The following RPL26L1 variants were observed in gnomAD, a reference collection of about 807,000 sequenced individuals.
RPL26L1 encodes the protein ribosomal protein L26 like 1, also known as ribosomal protein uL24-like.
Under a neutral mutation model 15.2 loss-of-function variants are expected in RPL26L1, and 8 were observed. That is an observed-to-expected ratio of 0.53 (90% CI 0.31 to 0.95). The LOEUF is 0.95. RPL26L1 is among the 40% of genes least tolerant of loss of function. RPL26L1 has a pLI of 0.05. For missense variants in RPL26L1, 146 were observed against 190.9 expected, an observed-to-expected ratio of 0.76 and a Z score of 1.39; for synonymous variants, 51 against 65.9, an observed-to-expected ratio of 0.77 and a Z score of 1.09.
chr5:172,958,616 A>G (rs1318923587), upstream of RPL26L1: 2 of 327,430 alleles, frequency 6.1e-6, no homozygotes, highest in East Asian at 7.6e-5. Flanking sequence ...TCTCCCTCAC[A>G]GCTCCGTCGG....
chr5:172,954,787 G>A (rs963049056), upstream of RPL26L1: 1 of 385,114 alleles, frequency 2.6e-6, no homozygotes, highest in Non-Finnish European at 5.2e-6. Context: ...CAACATTTAA[G>A]GGATGGATGC....
At chr5:172,964,475 G>A (rs1165565494) in intron 2 of RPL26L1, among the ~76,000 whole-genome samples, 2 of 150,912 alleles carry the variant, frequency 1.3e-5, no homozygotes, top group Non-Finnish European at 3.0e-5. Flanking sequence ...TAATAGAGAC[G>A]GGGTTTTACC....
upstream of RPL26L1, chr5:172,958,371 C>T: frequency 2.2e-6 from 1 of 456,196 alleles, no homozygotes. Flanking sequence ...ACGGGACCTG[C>T]CTGGGTGTGG....
At chr5:172,954,221 G>T (rs917851243), upstream of RPL26L1, among the ~76,000 whole-genome samples, 12 of 152,124 alleles carry the variant, frequency 7.9e-5, no homozygotes, top group African/African-American at 2.4e-4. Context: ...AAGGTGAGTT[G>T]TTACCCCTCC....
intron 1 of RPL26L1, 88 bp from the exon 2 acceptor site, chr5:172,959,777 T>C: frequency 7.0e-7 from 1 of 1,428,444 alleles, no homozygotes; most frequent in South Asian, 1.2e-5. Flanking sequence ...AGAGCCTTTG[T>C]TGGGGGATGA....
intron 2 of RPL26L1, among the ~76,000 whole-genome samples, chr5:172,964,173 C>G (rs1234017629): frequency 1.3e-5 from 2 of 151,234 alleles, no homozygotes; most frequent in Non-Finnish European, 2.9e-5. Flanking sequence ...ATAGGTATTG[C>G]TTTGCTGCCC....
At chr5:172,956,970 T>C (rs1303683425), upstream of RPL26L1, 1 of 250,894 alleles carries the variant, frequency 4.0e-6, no homozygotes, top group South Asian at 3.7e-5. Context: ...ACCAAACCAA[T>C]GAGGTAAGTA....
chr5:172,967,576 AT>A (rs1272075388), intron 2 of RPL26L1, among the ~76,000 whole-genome samples: 3 of 152,028 alleles, frequency 2.0e-5, no homozygotes, highest in Admixed American at 6.6e-5. Flanking sequence ...GAGATTTAAA[AT>A]TTTTTTTCTG....
At chr5:172,964,445 C>T (rs1443380388) in intron 2 of RPL26L1, among the ~76,000 whole-genome samples, 3 of 152,000 alleles carry the variant, frequency 2.0e-5, no homozygotes, top group Admixed American at 6.6e-5. Flanking sequence ...ACCACCATGC[C>T]TGGCTAATTT....
intron 2 of RPL26L1, among the ~76,000 whole-genome samples, chr5:172,961,073 C>T (rs1207729940): frequency 3.9e-5 from 6 of 152,168 alleles, no homozygotes; most frequent in Non-Finnish European, 8.8e-5. Flanking sequence ...ATCAACTCTT[C>T]CCTCACTCAG....
intron 2 of RPL26L1, among the ~76,000 whole-genome samples, chr5:172,961,169 T>C (rs1277544303): frequency 6.6e-6 from 1 of 152,052 alleles, no homozygotes; most frequent in African/African-American, 2.4e-5. Flanking sequence ...CTTTGAAGGT[T>C]TGGGGATATG....
rs923829780 is a variant in RPL26L1, at chr5:172,959,456, A to G, written c.-22A>G. 4 of 1,014,794 alleles carry G rather than the reference A, an allele frequency of 3.9e-6. No homozygotes were observed. The highest frequency in any genetic ancestry group is 7.6e-5 in the South Asian group (2 of 26,406). The allele number at this position is 1,014,794 out of a possible 1,614,324, so 62.9% of individuals were successfully genotyped here. A position where few individuals can be genotyped will look rare whatever the true frequency, so the allele number is the denominator to read the frequency against. On this transcript the variant is annotated 5_prime_UTR_variant, in exon 1 of 4. Transcript: ENST00000265100. ...GCCCTGCGCACTCAGGGTCTGAGGC[A>G]GCTAGTAGCCGGGTGAGTGGAGGCT...
chr5:172,959,282 G>GTAC, upstream of RPL26L1: 1 of 705,766 alleles, frequency 1.4e-6, no homozygotes, highest in South Asian at 5.6e-5. Context: ...GCAGGCCCTT[G>GTAC]TACTCACTGG....
At chr5:172,968,803 CTTTTTTTTT>C (rs539398008) in intron 3 of RPL26L1, among the ~76,000 whole-genome samples, 3 of 74,366 alleles carry the variant, frequency 4.0e-5, no homozygotes, top group Admixed American at 2.3e-4. Flanking sequence ...ATGGCTGTGT[CTTTTTTTTT>C]TTTTTTTTTT....
intron 2 of RPL26L1, among the ~76,000 whole-genome samples, chr5:172,968,187 A>G (rs751782326): frequency 2.0e-4 from 30 of 152,134 alleles, no homozygotes; most frequent in Non-Finnish European, 2.6e-4. Flanking sequence ...GTATATATAT[A>G]TAGTTCAGAG....
intron 1 of RPL26L1, 31 bp downstream of exon 1, chr5:172,959,499 T>C: frequency 1.9e-6 from 2 of 1,041,076 alleles, no homozygotes; most frequent in African/African-American, 3.3e-5. Flanking sequence ...TCTCGGACAG[T>C]GAACTCTACC....
rs556079042 is a variant in RPL26L1, at chr5:172,960,972, C to T, written c.168+931C>T. 2.0e-5 allele frequency among the ~76,000 whole-genome samples: 3 copies of T among 152,114 alleles called. No homozygotes were observed. In the East Asian group the frequency reaches 5.8e-4, roughly 29 times the overall value. Reference sequence around the variant, plus strand: ...ATGTTTAGCAGCGTCCCTGGCCTCTCCCCACTAGATGCCAGTGGCACTCCC... The same window carrying T: ...ATGTTTAGCAGCGTCCCTGGCCTCTTCCCACTAGATGCCAGTGGCACTCCC... On this transcript the variant is annotated intron_variant, in intron 2 of 3. Coordinates refer to ENST00000265100, the MANE Select transcript of RPL26L1 (RefSeq NM_016093.4).
chr5:172,959,055 T>C (rs1276469600), upstream of RPL26L1: 2 of 152,358 alleles, frequency 1.3e-5, no homozygotes, highest in African/African-American at 4.8e-5. Flanking sequence ...ACCCCGTCTC[T>C]ACTAAAAATA....
At chr5:172,964,118 TA>T (rs1475247562) in intron 2 of RPL26L1, among the ~76,000 whole-genome samples, 1 of 151,954 alleles carries the variant, frequency 6.6e-6, no homozygotes, top group East Asian at 1.9e-4. Context: ...AATATATATA[TA>T]TTTTAAATTA....
Sources: gnomAD v4.1 joint callset for allele counts (sites outside exome capture counted in the v4.1 genomes callset) on GRCh38, gnomAD v4.1.1 for gene constraint, MANE v1.5 for transcripts, NCBI Gene and HGNC (gene_info 2026-07-23, HGNC 2026-07-21) for gene names.